RO60: variants seen among roughly 807,000 people sequenced by gnomAD.
The protein encoded by RO60 is Ro60, Y RNA binding protein.
RO60 carries 20 observed loss-of-function variants against 55.3 expected under a neutral mutation model. The ratio of observed to expected loss-of-function variants is 0.36; its 90% CI spans 0.25 to 0.53. RO60 has a LOEUF of 0.53. RO60 is among the 20% of genes least tolerant of loss of function. The pLI, the probability that RO60 is intolerant of heterozygous loss-of-function variation, is 0.92. For synonymous variants in RO60, 213 were observed against 213.6 expected (o/e 1.00, Z 0.02); for missense variants, 558 against 646.6 (o/e 0.86, Z 1.49).
In RO60 at chr1:193,086,014, C is replaced by T. The variant is rs537664229; in HGVS notation, c.*1283C>T. ...TCTTTGCTCATAATTTTATTATGGC[C>T]GTCTAAGGTAGCTTACACATAAAAC... On this transcript the variant is annotated 3_prime_UTR_variant, in exon 9 of 9. Transcript: ENST00000400968. 1.5e-4 allele frequency: 150 copies of T among 985,132 alleles called. 1 individual carries two copies. The South Asian group carries it at 5.1e-3, about 34-fold the overall frequency. 61.0% of individuals were successfully genotyped at this position (985,132 alleles called of 1,614,324 possible).
intron 2 of RO60, 75 bp from the exon 3 acceptor site, chr1:193,075,745 G>A (rs1673865953): frequency 1.9e-6 from 2 of 1,067,840 alleles, no homozygotes; most frequent in Non-Finnish European, 1.4e-6. Flanking sequence ...ATCATATAAT[G>A]CATTTTGAGG....
intron 1 of RO60, among the ~76,000 whole-genome samples, chr1:193,062,660 A>C (rs1190414940): frequency 1.3e-5 from 2 of 152,186 alleles, no homozygotes; most frequent in East Asian, 3.8e-4. Flanking sequence ...TCCCCTACCC[A>C]TTAGCAGTCA....
intron 8 of RO60, among the ~76,000 whole-genome samples, chr1:193,083,666 G>A (rs987660177): frequency 7.9e-5 from 12 of 152,222 alleles, no homozygotes; most frequent in Non-Finnish European, 1.6e-4. Context: ...AAACTCTGAC[G>A]TTGGGACTGT....
chr1:193,080,273 T>A (rs1273655147), intron 5 of RO60, among the ~76,000 whole-genome samples: 1 of 152,130 alleles, frequency 6.6e-6, no homozygotes. Context: ...TTGGGGAAGA[T>A]GTGGAGAAAT....
rs1440209721 is a variant in RO60 at position 193,076,638 on chromosome 1, A to G, written c.939A>G (p.Leu313=). 6 of 1,599,852 alleles carry G rather than the reference A, an allele frequency of 3.8e-6. No homozygotes were observed. The highest frequency in any genetic ancestry group is 5.1e-6 in the Non-Finnish European group (6 of 1,175,188). Residue 313 remains leucine, a synonymous_variant, in exon 4 of 9, where the codon CTA becomes CTG. Coordinates refer to ENST00000400968, the MANE Select transcript of RO60 (RefSeq NM_001173524.2). ...GTGAAAAACTGTGTAATGAAAAACT[A>G]TTAAAAAAGGTAAGCATTATCATTG... The part of the protein sequence containing the change: ...LVCEKLCNEK[L]LKKARIHPFH...
At chr1:193,068,903 A>G (rs1218044857) in intron 1 of RO60, 131 bp from the exon 2 acceptor site, 13 of 640,442 alleles carry the variant, frequency 2.0e-5, no homozygotes, top group Non-Finnish European at 3.1e-5. Context: ...TACTAAGGGA[A>G]AAACTATGGA....
intron 2 of RO60, 54 bp downstream of exon 2, chr1:193,069,688 T>C (rs970377684): frequency 2.5e-5 from 35 of 1,389,464 alleles, no homozygotes; most frequent in Admixed American, 9.2e-5. Flanking sequence ...ATTCAATAAA[T>C]AGCAAATTTT....
chr1:193,091,518 T>C (rs1674856749), downstream of RO60: 1 of 744,854 alleles, frequency 1.3e-6, no homozygotes. Context: ...AAGTTTTCAC[T>C]GTAAATAATA....
In RO60 at chr1:193,088,840, C is replaced by CATATTTGTTGGAAGA. The variant is rs1349033720; in HGVS notation, c.*4109_*4110insATATTTGTTGGAAGA. The CATATTTGTTGGAAGA allele has an allele frequency of 1.3e-5, 2 of 152,110 alleles. No individual in the cohort carries two copies. Among genetic ancestry groups the CATATTTGTTGGAAGA allele is most frequent in the Non-Finnish European group, 2.9e-5 (2 of 68,012 alleles). 9.4% of individuals were successfully genotyped at this position (152,110 alleles called of 1,614,324 possible). ...TTCCTTGATGTCTGTTTCCTCATCTCTTATTTGTTGGAAGATTACTTTTCT... is the reference window on the plus strand; with the variant it reads ...TTCCTTGATGTCTGTTTCCTCATCTCATATTTGTTGGAAGATTATTTGTTGGAAGATTACTTTTCT... On this transcript the variant is annotated 3_prime_UTR_variant, in exon 9 of 9. Transcript: ENST00000400968.
chr1:193,071,027 C>A (rs1231308825), intron 2 of RO60, among the ~76,000 whole-genome samples: 1 of 152,192 alleles, frequency 6.6e-6, no homozygotes, highest in African/African-American at 2.4e-5. Context: ...AGTTTTTCCG[C>A]AGGCAGTGGG....
intron 1 of RO60, among the ~76,000 whole-genome samples, chr1:193,065,481 G>A (rs1285249197): frequency 1.3e-5 from 2 of 152,196 alleles, no homozygotes; most frequent in African/African-American, 4.8e-5. Context: ...ATAAGCAGAA[G>A]TAGACAGGTT....
At chr1:193,067,357 T>G (rs1029853626) in intron 1 of RO60, among the ~76,000 whole-genome samples, 1 of 151,828 alleles carries the variant, frequency 6.6e-6, no homozygotes, top group Admixed American at 6.6e-5. Context: ...CCCGGCTAAT[T>G]TTTTGTATTT....
chr1:193,061,165 A>G (rs1226075249), intron 1 of RO60, among the ~76,000 whole-genome samples: 8 of 152,208 alleles, frequency 5.3e-5, no homozygotes, highest in Non-Finnish European at 1.2e-4. Context: ...TCTGGCAACT[A>G]CTAGTTCCAT....
At chr1:193,077,106 A>G in intron 5 of RO60, 56 bp downstream of exon 5, 1 of 1,486,092 alleles carries the variant, frequency 6.7e-7, no homozygotes, top group Non-Finnish European at 9.1e-7. Context: ...TATCTTTTGT[A>G]ATAATACATT....
chr1:193,071,610 G>A (rs965943665), intron 2 of RO60, among the ~76,000 whole-genome samples: 5 of 151,978 alleles, frequency 3.3e-5, no homozygotes, highest in Admixed American at 2.0e-4. Context: ...AAAGGGATCA[G>A]TGTACCCACA....
chr1:193,074,801 C>T (rs1322864642), intron 2 of RO60, among the ~76,000 whole-genome samples: 1 of 152,160 alleles, frequency 6.6e-6, no homozygotes, highest in South Asian at 2.1e-4. Context: ...GACATGAAGT[C>T]CTTGCCCACG....
chr1:193,074,217 A>G (rs1460992797), intron 2 of RO60, among the ~76,000 whole-genome samples: 3 of 152,178 alleles, frequency 2.0e-5, no homozygotes, highest in African/African-American at 7.2e-5. Flanking sequence ...GTGTCTTTAT[A>G]GCAGCATGAT....
chr1:193,067,334 G>A (rs1673184797), intron 1 of RO60, among the ~76,000 whole-genome samples: 2 of 151,552 alleles, frequency 1.3e-5, no homozygotes, highest in South Asian at 2.1e-4. Flanking sequence ...GGACTACAGC[G>A]CCTGCCAACA....
chr1:193,088,795 GT>G lies in RO60; in HGVS notation c.*4067del, dbSNP rs1195471917. 5.3e-5 allele frequency: 8 copies of G among 152,218 alleles called. No individual in the cohort carries two copies. The East Asian group carries it at 1.5e-3, about 29-fold the overall frequency. The allele number at this position is 152,218 out of a possible 1,614,324, so 9.4% of individuals were successfully genotyped here. A position where few individuals can be genotyped will look rare whatever the true frequency, so the allele number is the denominator to read the frequency against. The stretch of plus-strand genomic sequence containing the variant: ...ATCAATGAAATTAGTTGTATTTACT[GT>G]TTGGATTTTATTTAGTGTTTCCTTG... On this transcript the variant is annotated 3_prime_UTR_variant, in exon 9 of 9. Coordinates refer to ENST00000400968, the MANE Select transcript of RO60 (RefSeq NM_001173524.2).
Sources: gnomAD v4.1 joint callset for allele counts (sites outside exome capture counted in the v4.1 genomes callset) on GRCh38, gnomAD v4.1.1 for gene constraint, MANE v1.5 for transcripts, NCBI Gene and HGNC (gene_info 2026-07-23, HGNC 2026-07-21) for gene names.